The following LATS1 variants were observed in gnomAD, a reference collection of about 807,000 sequenced individuals.
LATS1 encodes large tumor suppressor kinase 1.
A neutral mutation model predicts 106.6 loss-of-function variants in LATS1; 25 were observed. The observed-to-expected ratio is 0.23, with a 90% CI of 0.17 to 0.33. LATS1 has a LOEUF of 0.33. Ranked by LOEUF, LATS1 falls within the 10% of genes least tolerant of loss-of-function variation. LATS1 has a pLI of 1.00. For synonymous variants in LATS1, 465 were observed against 455.6 expected (o/e 1.02, Z -0.26); for missense variants, 1,040 against 1,382.6 (o/e 0.75, Z 3.93).
intron 2 of LATS1, among the ~76,000 whole-genome samples, chr6:149,695,445 G>T (rs542003632): frequency 1.4e-4 from 22 of 152,184 alleles, no homozygotes; most frequent in African/African-American, 3.6e-4. Context: ...AGGCCGAGGT[G>T]GTCAGATCAC....
chr6:149,662,030 G>A lies in LATS1; in HGVS notation c.3092C>T (p.Thr1031Ile). The change falls in exon 8 of 8, where the codon ACA (threonine) becomes ATA (isoleucine). Residue 1031 changes from threonine (T) to isoleucine (I), a missense_variant. Physicochemically the swap from Thr to Ile is moderately conservative, Grantham distance 89. Transcript: ENST00000543571. Reference sequence around the variant, plus strand: ...AAAATTTGATGTATCTGTTGGGTGTGTGATTTTAGGAATGTATGAAGCAGA... The same window carrying A: ...AAAATTTGATGTATCTGTTGGGTGTATGATTTTAGGAATGTATGAAGCAGA... ...QQSASYIPKITHPTDTSNFDP... is the reference protein window; with the variant it reads ...QQSASYIPKIIHPTDTSNFDP... 6.2e-7 allele frequency: 1 copy of A among 1,614,150 alleles called. No homozygotes were observed. The highest frequency in any genetic ancestry group is 8.5e-7 in the Non-Finnish European group (1 of 1,179,994).
At chr6:149,712,333 G>A (rs1000883748) in intron 1 of LATS1, among the ~76,000 whole-genome samples, 7 of 152,082 alleles carry the variant, frequency 4.6e-5, no homozygotes, top group Non-Finnish European at 8.8e-5. Flanking sequence ...AAGCAGCTGG[G>A]ATTACAGGCC....
chr6:149,696,666 C>G (rs1783097944), intron 2 of LATS1, among the ~76,000 whole-genome samples: 1 of 149,032 alleles, frequency 6.7e-6, no homozygotes, highest in Non-Finnish European at 1.5e-5. Context: ...CTCTTATCCT[C>G]TTAGAGATTA....
At chr6:149,703,106 T>C (rs1046284119) in intron 1 of LATS1, among the ~76,000 whole-genome samples, 3 of 151,910 alleles carry the variant, frequency 2.0e-5, no homozygotes, top group Admixed American at 1.3e-4. Context: ...CCCAAGTAGC[T>C]GTGATTACAG....
chr6:149,699,510 CTTCA>C (rs1241051528), intron 2 of LATS1, among the ~76,000 whole-genome samples: 4 of 151,938 alleles, frequency 2.6e-5, no homozygotes, highest in African/African-American at 9.7e-5. Flanking sequence ...TAACACCATA[CTTCA>C]TTATTTGGAC....
chr6:149,717,760 C>T (rs943382553), intron 1 of LATS1, 89 bp downstream of exon 1: 1 of 267,518 alleles, frequency 3.7e-6, no homozygotes, highest in African/African-American at 2.4e-5. Flanking sequence ...GGACCCTCGC[C>T]AGCGGGGATG....
At chr6:149,702,348 A>G in intron 1 of LATS1, 82 bp from the exon 2 acceptor site, 1 of 420,962 alleles carries the variant, frequency 2.4e-6, no homozygotes, top group Admixed American at 3.9e-5. Context: ...CCATTGATAT[A>G]GGGGTTAAGA....
chr6:149,663,909 G>A (rs1339799894), intron 7 of LATS1, among the ~76,000 whole-genome samples: 1 of 151,438 alleles, frequency 6.6e-6, no homozygotes, highest in Non-Finnish European at 1.5e-5. Flanking sequence ...CTGGTTTCAA[G>A]CGATTCTCCT....
intron 4 of LATS1, among the ~76,000 whole-genome samples, chr6:149,680,670 T>C (rs1435113134): frequency 1.3e-5 from 2 of 149,568 alleles, no homozygotes; most frequent in East Asian, 2.0e-4. Context: ...TGAGTACCTA[T>C]GCAAATTCAG....
At chr6:149,697,843 C>T (rs1484738682) in intron 2 of LATS1, among the ~76,000 whole-genome samples, 1 of 152,050 alleles carries the variant, frequency 6.6e-6, no homozygotes, top group Non-Finnish European at 1.5e-5. Flanking sequence ...TCAAGCAGTT[C>T]TCCTGCCTCA....
chr6:149,676,687 G>A lies in LATS1; in HGVS notation c.2644C>T (p.Pro882Ser). The A allele has an allele frequency of 6.2e-7, 1 of 1,614,054 alleles. No homozygotes were observed. The highest frequency in any genetic ancestry group is 8.5e-7 in the Non-Finnish European group (1 of 1,179,996). The part of the protein sequence containing the change: ...SMDFSNEWGD[P>S]SSCRCGDRLK... ...CTGTCTCCACATCGACAGCTTGAGGGATCCCCCCATTCATTACTGAAATCC... is the reference window on the plus strand; with the variant it reads ...CTGTCTCCACATCGACAGCTTGAGGAATCCCCCCATTCATTACTGAAATCC... The change falls in exon 6 of 8, where the codon CCC becomes TCC. Residue 882 changes from proline to serine, a missense_variant. By Grantham distance (74) the Pro-to-Ser change is moderately conservative (BLOSUM62 -1). Around this residue, in one of 7 missense-constraint regions of LATS1, gnomAD observed 63 missense variants for 64.3 expected, o/e 0.98. Coordinates refer to ENST00000543571, the MANE Select transcript of LATS1 (RefSeq NM_004690.4).
At chr6:149,689,187 T>C (rs1782579243) in intron 3 of LATS1, among the ~76,000 whole-genome samples, 1 of 151,064 alleles carries the variant, frequency 6.6e-6, no homozygotes, top group Non-Finnish European at 1.5e-5. Context: ...AAAGACTGCA[T>C]AAAGGTCCTG....
At position 149,676,818 on chromosome 6, in the gene LATS1, G is replaced by A. The variant is rs182811493; in HGVS notation, c.2594-81C>T. ...GTCTATTTAATCTTCTGACATCGTG[G>A]TTTAGGGTTAACAACATTCTCCCTT... On this transcript the variant is annotated intron_variant, in intron 5 of 7. Transcript: ENST00000543571. The A allele has an allele frequency of 1.5e-4, 190 of 1,290,772 alleles. No homozygotes were observed. The African/African-American group carries it at 2.4e-3, about 16-fold the overall frequency. 80.0% of individuals were successfully genotyped at this position (1,290,772 alleles called of 1,614,324 possible). A position where few individuals can be genotyped will look rare whatever the true frequency, so the allele number is the denominator to read the frequency against.
chr6:149,683,587 A>G lies in LATS1; in HGVS notation c.1502T>C (p.Met501Thr). Reference protein sequence around the residue: ...PAPIQQPVKSMRVLKPELQTA... With the variant: ...PAPIQQPVKSTRVLKPELQTA... ...CTGTAGCTCTGGTTTTAATACACGC[A>G]TACTTTTCACAGGCTGTTGAATAGG... Residue 501 changes from methionine (M) to threonine (T), a missense_variant, in exon 4 of 8, where the codon ATG becomes ACG. Transcript: ENST00000543571. The G allele has an allele frequency of 1.2e-6, 2 of 1,614,254 alleles. No individual in the cohort carries two copies. Among genetic ancestry groups the G allele is most frequent in the African/African-American group, 2.7e-5 (2 of 75,064 alleles).
chr6:149,671,427 C>T (rs1201652045), intron 7 of LATS1, among the ~76,000 whole-genome samples: 1 of 152,008 alleles, frequency 6.6e-6, no homozygotes, highest in African/African-American at 2.4e-5. Context: ...AGCCACCGCA[C>T]CTGGCCTGAT....
At position 149,661,738 on chromosome 6, in the gene LATS1, T is replaced by C. The variant is rs200630906; in HGVS notation, c.3384A>G (p.Val1128=). The part of the protein sequence containing the change: ...TGSEIKNRDL[V]YV The stretch of plus-strand genomic sequence containing the variant: ...TTTATTTACTAGTGTGTTAAACATA[T>C]ACTAGATCGCGATTTTTAATCTCTG... Residue 1128 remains valine (V), a synonymous_variant, in exon 8 of 8, where the codon GTA becomes GTG. Coordinates refer to ENST00000543571, the MANE Select transcript of LATS1 (RefSeq NM_004690.4). 6 of 1,560,034 alleles carry C rather than the reference T, an allele frequency of 3.8e-6. No homozygotes were observed. Among genetic ancestry groups the C allele is most frequent in the South Asian group, 3.7e-5 (3 of 81,008 alleles).
rs558608473 is a variant in LATS1 at position 149,703,809 on chromosome 6, T to C, written c.-140-1543A>G. On this transcript the variant is annotated intron_variant, in intron 1 of 7. Coordinates refer to ENST00000543571, the MANE Select transcript of LATS1 (RefSeq NM_004690.4). ...AAAGTGGTTATCAACATCTAATAAA[T>C]TGAACTAGGATTAAGAGGAACAATG... Among the ~76,000 whole-genome samples the C allele has an allele frequency of 2.2e-4, 34 of 152,274 alleles. No homozygotes were observed. The South Asian group carries it at 3.7e-3, about 17-fold the overall frequency.
At chr6:149,711,567 T>C (rs1357850741) in intron 1 of LATS1, among the ~76,000 whole-genome samples, 1 of 152,042 alleles carries the variant, frequency 6.6e-6, no homozygotes, top group African/African-American at 2.4e-5. Context: ...AAATTTTTTT[T>C]TCTTAAATCA....
chr6:149,676,611 G>A lies in LATS1; in HGVS notation c.2720C>T (p.Ala907Val). ...RAARQHQRCL[A>V]HSLVGTPNYI... The stretch of plus-strand genomic sequence containing the variant: ...ATTGGGAGTCCCAACCAAAGAATGT[G>A]CTAGACATCGCTGGTGCTGGCGTGC... Residue 907 changes from alanine (A) to valine (V), a missense_variant, in exon 6 of 8, where the codon GCA (alanine) becomes GTA (valine). Coordinates refer to ENST00000543571, the MANE Select transcript of LATS1 (RefSeq NM_004690.4). 6.2e-7 allele frequency: 1 copy of A among 1,614,060 alleles called. No individual in the cohort carries two copies. Among genetic ancestry groups the A allele is most frequent in the South Asian group, 1.1e-5 (1 of 91,074 alleles).
Sources: gnomAD v4.1 joint callset for allele counts (sites outside exome capture counted in the v4.1 genomes callset) on GRCh38, gnomAD v4.1.1 for gene constraint, gnomAD v4.1.1 regional missense constraint, MANE v1.5 for transcripts, NCBI Gene and HGNC (gene_info 2026-07-23, HGNC 2026-07-21) for gene names.